Variants in FYN observed in about 807,000 individuals in gnomAD.
The protein encoded by FYN is FYN proto-oncogene, Src family tyrosine kinase.
In FYN, 10 loss-of-function variants were observed where a neutral mutation model predicts 70.2. The observed-to-expected ratio is 0.14, with a 90% CI of 0.09 to 0.24. The LOEUF is 0.24. Ranked by LOEUF, FYN falls within the 10% of genes least tolerant of loss-of-function variation. The pLI is 1.00. For missense variants in FYN, 319 were observed against 673.1 expected (o/e 0.47, Z 5.82); for synonymous variants, 236 against 248.6 (o/e 0.95, Z 0.48).
chr6:111,860,868 A>G (rs1415102108), intron 1 of FYN, among the ~76,000 whole-genome samples: 1 of 152,232 alleles, frequency 6.6e-6, no homozygotes, highest in African/African-American at 2.4e-5. Flanking sequence ...AATAATGACT[A>G]TGGGAATTAC....
rs534932868 is a variant in FYN at position 111,872,143 on chromosome 6, T to C, written c.-123+825A>G. Among the ~76,000 whole-genome samples the C allele has an allele frequency of 3.2e-4, 49 of 152,160 alleles. No individual in the cohort carries two copies. In the South Asian group the frequency reaches 3.5e-3, roughly 11 times the overall value. On this transcript the variant is annotated intron_variant, in intron 1 of 13. Coordinates refer to ENST00000354650, the MANE Select transcript of FYN (RefSeq NM_002037.5). The stretch of plus-strand genomic sequence containing the variant: ...GGAGGGGCAAGAAGGGTGATTTTAT[T>C]ATCCCTCTTCCCAGTGAGTCCCAGC...
At chr6:111,762,977 T>C (rs564465000) in intron 3 of FYN, among the ~76,000 whole-genome samples, 6 of 152,348 alleles carry the variant, frequency 3.9e-5, no homozygotes, top group South Asian at 2.1e-4. Flanking sequence ...TCCAAAGCCT[T>C]CTTCTTGGAG....
chr6:111,827,076 C>T (rs1772859081), intron 2 of FYN, among the ~76,000 whole-genome samples: 2 of 152,194 alleles, frequency 1.3e-5, no homozygotes, highest in South Asian at 4.1e-4. Flanking sequence ...GGAGACAGGG[C>T]AAGAGTCGGC....
chr6:111,790,187 G>T (rs1771559031), intron 2 of FYN, among the ~76,000 whole-genome samples: 1 of 142,752 alleles, frequency 7.0e-6, no homozygotes. Context: ...CATTATAATG[G>T]GAACCATTTT....
chr6:111,777,030 A>G (rs1355427156), intron 3 of FYN, among the ~76,000 whole-genome samples: 1 of 152,234 alleles, frequency 6.6e-6, no homozygotes, highest in African/African-American at 2.4e-5. Flanking sequence ...ACTAGCCCAG[A>G]CTGAAATACC....
intron 3 of FYN, among the ~76,000 whole-genome samples, chr6:111,744,191 T>G (rs1281582702): frequency 6.6e-6 from 1 of 152,246 alleles, no homozygotes; most frequent in African/African-American, 2.4e-5. Context: ...CTTTTAAATA[T>G]TACATTGGCC....
At chr6:111,861,833 A>G (rs1246833544) in intron 1 of FYN, among the ~76,000 whole-genome samples, 1 of 152,224 alleles carries the variant, frequency 6.6e-6, no homozygotes, top group African/African-American at 2.4e-5. Flanking sequence ...CTTGTTTTCA[A>G]TCATTCTTTT....
At chr6:111,870,426 T>C (rs1318600732) in intron 1 of FYN, among the ~76,000 whole-genome samples, 1 of 152,228 alleles carries the variant, frequency 6.6e-6, no homozygotes, top group East Asian at 1.9e-4. Flanking sequence ...AGCCATTATA[T>C]ATTTGCAGGC....
chr6:111,785,367 C>G (rs987993153), intron 2 of FYN, among the ~76,000 whole-genome samples: 7 of 152,204 alleles, frequency 4.6e-5, no homozygotes, highest in Admixed American at 1.3e-4. Context: ...GTGCTTAGCA[C>G]AGTAGCTGGC....
At chr6:111,779,764 T>C (rs904736855) in intron 3 of FYN, among the ~76,000 whole-genome samples, 10 of 152,190 alleles carry the variant, frequency 6.6e-5, no homozygotes, top group African/African-American at 2.2e-4. Context: ...GGAAAATAAA[T>C]ATGCCTCTTG....
intron 2 of FYN, among the ~76,000 whole-genome samples, chr6:111,830,612 T>C (rs894501433): frequency 6.6e-6 from 1 of 151,944 alleles, no homozygotes; most frequent in African/African-American, 2.4e-5. Flanking sequence ...GGGACAAAAG[T>C]GGTAGCTCTG....
intron 3 of FYN, among the ~76,000 whole-genome samples, chr6:111,726,178 G>C (rs1259774396): frequency 6.6e-6 from 1 of 152,242 alleles, no homozygotes; most frequent in Non-Finnish European, 1.5e-5. Context: ...TTGCTGAGCA[G>C]AGAATCCCCT....
Position 111,707,244 on chromosome 6 carries a change from T to G in FYN, c.443+678A>C, listed in dbSNP as rs1038215059. ...CACTGGCAGTTCTTCCCCTTGGGAG[T>G]GCCTGTTAATCCTCATGGGTCAGAA... On this transcript the variant is annotated intron_variant, in intron 6 of 13. Coordinates refer to ENST00000354650, the MANE Select transcript of FYN (RefSeq NM_002037.5). 3.9e-5 allele frequency among the ~76,000 whole-genome samples: 6 copies of G among 152,106 alleles called. No homozygotes were observed. The East Asian group carries it at 1.2e-3, about 29-fold the overall frequency.
intron 3 of FYN, among the ~76,000 whole-genome samples, chr6:111,737,777 T>C (rs907878674): frequency 6.6e-6 from 1 of 152,214 alleles, no homozygotes; most frequent in Non-Finnish European, 1.5e-5. Context: ...CTCTTTCCCA[T>C]GACCAGTCCC....
At chr6:111,732,914 G>A (rs1801537417) in intron 3 of FYN, among the ~76,000 whole-genome samples, 1 of 152,098 alleles carries the variant, frequency 6.6e-6, no homozygotes, top group Non-Finnish European at 1.5e-5. Flanking sequence ...ACCCACCACT[G>A]ACCCCAACAC....
chr6:111,866,233 T>C (rs1583504525), intron 1 of FYN, among the ~76,000 whole-genome samples: 1 of 152,112 alleles, frequency 6.6e-6, no homozygotes, highest in African/African-American at 2.4e-5. Context: ...AACTACTATC[T>C]CCATTTAAAG....
chr6:111,819,853 C>T (rs1228370844), intron 2 of FYN: 2 of 152,188 alleles, frequency 1.3e-5, no homozygotes, highest in Non-Finnish European at 2.9e-5. Context: ...TATTCTCAAA[C>T]ACTCACCCTT....
intron 2 of FYN, among the ~76,000 whole-genome samples, chr6:111,816,032 C>T (rs189666499): frequency 1.3e-5 from 2 of 152,248 alleles, no homozygotes; most frequent in African/African-American, 4.8e-5. Flanking sequence ...CTGAATTTCA[C>T]TTGTGGCCAG....
intron 3 of FYN, among the ~76,000 whole-genome samples, chr6:111,750,346 C>T (rs1007122191): frequency 6.6e-6 from 1 of 152,134 alleles, no homozygotes; most frequent in Non-Finnish European, 1.5e-5. Flanking sequence ...TTTCTCCTAG[C>T]CCTCTCTCCT....
Sources: allele counts gnomAD v4.1 joint callset (sites outside exome capture counted in the v4.1 genomes callset), GRCh38; gene constraint gnomAD v4.1.1; transcripts MANE v1.5; gene names NCBI Gene and HGNC (gene_info 2026-07-23, HGNC 2026-07-21).